The following FRMD4A variants were observed in gnomAD, a reference collection of about 807,000 sequenced individuals.
The protein encoded by FRMD4A is FERM domain containing 4A, also known as FERM domain-containing protein 4A.
Under a neutral mutation model 129.1 loss-of-function variants are expected in FRMD4A, and 29 were observed. That is an observed-to-expected ratio of 0.22 (90% CI 0.17 to 0.31). The LOEUF is 0.31. Among genes scored for constraint, FRMD4A ranks in the 10% least tolerant of loss-of-function variants. FRMD4A has a pLI of 1.00. For synonymous variants in FRMD4A, 634 were observed against 571.6 expected (o/e 1.11, Z -1.56); for missense variants, 1,272 against 1,375.8 (o/e 0.92, Z 1.19).
At chr10:14,108,308 T>A (rs535225501) in intron 2 of FRMD4A, among the ~76,000 whole-genome samples, 2 of 152,256 alleles carry the variant, frequency 1.3e-5, no homozygotes, top group African/African-American at 2.4e-5. Context: ...TTGTATTTTG[T>A]GATACTGATT....
intron 15 of FRMD4A, chr10:13,684,581 G>T (rs562219932): frequency 2.0e-6 from 2 of 985,472 alleles, no homozygotes; most frequent in Admixed American, 1.2e-4. Flanking sequence ...GCCTCATTCA[G>T]CCGCGAGCCA....
chr10:14,111,956 AGGAGGGGAGG>A (rs1167648450), intron 2 of FRMD4A, among the ~76,000 whole-genome samples: 3 of 84,242 alleles, frequency 3.6e-5, no homozygotes, highest in African/African-American at 4.7e-5. Context: ...AGGGAGGGAG[AGGAGGGGAGG>A]GGAGGGGAGG....
chr10:14,161,234 G>T (rs1292639986), intron 2 of FRMD4A, among the ~76,000 whole-genome samples: 1 of 152,200 alleles, frequency 6.6e-6, no homozygotes, highest in African/African-American at 2.4e-5. Flanking sequence ...GGGATTACAG[G>T]CGTGAACCAC....
At chr10:13,648,825 G>C (rs1263282494) in intron 24 of FRMD4A, 2 of 152,160 alleles carry the variant, frequency 1.3e-5, no homozygotes, top group Non-Finnish European at 2.9e-5. Flanking sequence ...AACATGATCT[G>C]GGTCTGTTTG....
At chr10:14,295,733 G>A (rs553943830) in intron 2 of FRMD4A, among the ~76,000 whole-genome samples, 175 of 152,242 alleles carry the variant, frequency 1.1e-3, no homozygotes, top group African/African-American at 4.0e-3. Flanking sequence ...GGGGGAGTTG[G>A]CAGAAATAAA....
intron 12 of FRMD4A, among the ~76,000 whole-genome samples, chr10:13,732,572 G>T (rs993625178): frequency 6.6e-6 from 1 of 152,224 alleles, no homozygotes; most frequent in Non-Finnish European, 1.5e-5. Flanking sequence ...GAGTGTCAGG[G>T]AGGGCCTCTG....
Position 13,926,440 on chromosome 10 carries a change from A to T in FRMD4A, c.46-67528T>A, listed in dbSNP as rs144346577. Among the ~76,000 whole-genome samples, 691 of 152,310 alleles carry T rather than the reference A, an allele frequency of 4.5e-3. 8 individuals carry two copies. The highest frequency in any genetic ancestry group is 0.016 in the African/African-American group (665 of 41,564). Reference sequence around the variant, plus strand: ...TTGATTAGTGCCAAGCCAATAACCAAGGCAATTCCAGTCCATAATAAAAAG... The same window carrying T: ...TTGATTAGTGCCAAGCCAATAACCATGGCAATTCCAGTCCATAATAAAAAG... On this transcript the variant is annotated intron_variant, in intron 2 of 24. Transcript: ENST00000357447.
intron 2 of FRMD4A, among the ~76,000 whole-genome samples, chr10:13,862,528 A>C (rs1252841535): frequency 6.6e-6 from 1 of 152,228 alleles, no homozygotes; most frequent in East Asian, 1.9e-4. Context: ...TATCCACCCT[A>C]GGTCTTCCAA....
Position 14,128,073 on chromosome 10 carries a change from TTTCTTTCTTTCTTTCTTTCTTTCTTTC to T in FRMD4A, c.45+201958_45+201984del, listed in dbSNP as rs1487301458. 9.0e-4 allele frequency among the ~76,000 whole-genome samples: 98 copies of T among 108,456 alleles called. 2 individuals are homozygous for T. In the East Asian group the frequency reaches 0.02, roughly 22 times the overall value. 71.2% of individuals were successfully genotyped at this position (108,456 alleles called of 152,430 possible). On this transcript the variant is annotated intron_variant, in intron 2 of 24. Coordinates refer to ENST00000357447, the MANE Select transcript of FRMD4A (RefSeq NM_018027.5). The stretch of plus-strand genomic sequence containing the variant: ...CTTTCTTTCTTTCTTTCTTTCTTTC[TTTCTTTCTTTCTTTCTTTCTTTCTTTC>T]TTTCTTTTCTTTTCTTTTCTTGAGA...
chr10:14,095,052 A>T (rs1836878308), intron 2 of FRMD4A, among the ~76,000 whole-genome samples: 1 of 152,202 alleles, frequency 6.6e-6, no homozygotes, highest in Non-Finnish European at 1.5e-5. Flanking sequence ...GTGTATGAAC[A>T]TGAAGGAACT....
Position 13,966,472 on chromosome 10 carries a change from C to G in FRMD4A, c.46-107560G>C, listed in dbSNP as rs139752574. 7.2e-5 allele frequency among the ~76,000 whole-genome samples: 11 copies of G among 152,214 alleles called. No individual in the cohort carries two copies. The East Asian group carries it at 1.5e-3, about 21-fold the overall frequency. On this transcript the variant is annotated intron_variant, in intron 2 of 24. Transcript: ENST00000357447. ...CATTAACCCTGGTTTGGGAGGGTAA[C>G]GTGATAAAGAAGTCATATGTAAAAG...
intron 2 of FRMD4A, among the ~76,000 whole-genome samples, chr10:14,213,592 A>G (rs558598018): frequency 6.6e-6 from 1 of 152,352 alleles, no homozygotes; most frequent in Admixed American, 6.5e-5. Context: ...TGGTCTGCAC[A>G]AACAAAACCA....
chr10:14,125,852 T>A (rs563776713), intron 2 of FRMD4A, among the ~76,000 whole-genome samples: 1 of 149,806 alleles, frequency 6.7e-6, no homozygotes, highest in African/African-American at 2.5e-5. Flanking sequence ...CCAGGAGGAA[T>A]GTGATTAAAA....
At chr10:13,929,330 C>A (rs2797885) in intron 2 of FRMD4A, among the ~76,000 whole-genome samples, 9,388 of 152,226 alleles carry the variant, frequency 0.062, 467 homozygotes, top group African/African-American at 0.13. Context: ...TTGCTGAAGA[C>A]CACCCTGAGC....
At chr10:14,064,715 C>A (rs940355968) in intron 2 of FRMD4A, among the ~76,000 whole-genome samples, 5 of 152,014 alleles carry the variant, frequency 3.3e-5, no homozygotes, top group African/African-American at 1.2e-4. Context: ...GTACCTGGGA[C>A]TACAGGTGCT....
intron 2 of FRMD4A, among the ~76,000 whole-genome samples, chr10:13,989,840 G>A (rs117333605): frequency 6.6e-6 from 1 of 152,300 alleles, no homozygotes; most frequent in East Asian, 1.9e-4. Context: ...AAACTCCATG[G>A]AACATGCTTA....
chr10:13,850,299 C>A (rs2094123604), intron 3 of FRMD4A, among the ~76,000 whole-genome samples: 1 of 151,618 alleles, frequency 6.6e-6, no homozygotes, highest in Admixed American at 6.6e-5. Context: ...TTTTTTCTAG[C>A]CCATAATAGC....
At chr10:13,803,728 T>C (rs1176899993) in intron 4 of FRMD4A, among the ~76,000 whole-genome samples, 1 of 152,212 alleles carries the variant, frequency 6.6e-6, no homozygotes, top group Admixed American at 6.5e-5. Context: ...CAAGGGCCAG[T>C]GCTTTCTGGA....
At chr10:13,926,289 T>C (rs1373579448) in intron 2 of FRMD4A, among the ~76,000 whole-genome samples, 1 of 152,180 alleles carries the variant, frequency 6.6e-6, no homozygotes, top group Non-Finnish European at 1.5e-5. Flanking sequence ...CTGGGGTTAT[T>C]TGCAGCCAGA....
Sources: gnomAD v4.1 joint callset for allele counts (sites outside exome capture counted in the v4.1 genomes callset) on GRCh38, gnomAD v4.1.1 for gene constraint, MANE v1.5 for transcripts, NCBI Gene and HGNC (gene_info 2026-07-23, HGNC 2026-07-21) for gene names.